GPR158: variants seen among roughly 807,000 people sequenced by gnomAD.
GPR158 encodes G protein-coupled receptor 158, also known as metabotropic glycine receptor.
GPR158 carries 30 observed loss-of-function variants against 78.2 expected under a neutral mutation model. The observed-to-expected ratio is 0.38, with a 90% CI of 0.29 to 0.52. The LOEUF (loss-of-function observed/expected upper bound fraction) is 0.52, where lower values mean the gene tolerates loss of function less well. GPR158 is among the 20% of genes least tolerant of loss of function. The pLI, the probability that GPR158 is intolerant of heterozygous loss-of-function variation, is 0.83. For missense variants in GPR158, 1,463 were observed against 1,523.5 expected, an observed-to-expected ratio of 0.96 and a Z score of 0.66; for synonymous variants, 581 against 591.1, an observed-to-expected ratio of 0.98 and a Z score of 0.25.
chr10:25,277,048 C>G (rs112194296), intron 2 of GPR158, among the ~76,000 whole-genome samples: 99 of 151,474 alleles, frequency 6.5e-4, no homozygotes, highest in African/African-American at 2.2e-3. Flanking sequence ...CTCCTGGGCT[C>G]AAGGAATCCT....
In GPR158 at chr10:25,353,610, C is replaced by T. The variant is rs1416116872; in HGVS notation, c.1009-42301C>T. On this transcript the variant is annotated intron_variant, in intron 2 of 10. Coordinates refer to ENST00000376351, the MANE Select transcript of GPR158 (RefSeq NM_020752.3). ...GTGGGATTAGAGGAGGATCTTCTCC[C>T]CTGCTACTAAATCACAGAATTTTCC... Among the ~76,000 whole-genome samples the T allele has an allele frequency of 2.6e-5, 4 of 152,112 alleles. No individual in the cohort carries two copies. The South Asian group carries it at 6.2e-4, about 24-fold the overall frequency.
chr10:25,366,224 C>T (rs994445344), intron 2 of GPR158, among the ~76,000 whole-genome samples: 4 of 151,524 alleles, frequency 2.6e-5, no homozygotes, highest in African/African-American at 7.3e-5. Flanking sequence ...GGCATATCCA[C>T]CTATCTTTCA....
At chr10:25,582,592 G>A (rs1243045979) in intron 7 of GPR158, among the ~76,000 whole-genome samples, 6 of 152,106 alleles carry the variant, frequency 3.9e-5, no homozygotes, top group African/African-American at 1.4e-4. Context: ...AGAGAATAAA[G>A]TAATCAAGTC....
At chr10:25,470,600 A>G (rs1835486367) in intron 5 of GPR158, among the ~76,000 whole-genome samples, 1 of 152,184 alleles carries the variant, frequency 6.6e-6, no homozygotes, top group Non-Finnish European at 1.5e-5. Context: ...AAGTTTTCTA[A>G]TTTTCTAGCA....
chr10:25,423,534 C>T (rs1834782329), intron 4 of GPR158, among the ~76,000 whole-genome samples: 1 of 152,120 alleles, frequency 6.6e-6, no homozygotes, highest in East Asian at 1.9e-4. Context: ...TATCCGTCCC[C>T]CATGCCCCAA....
At chr10:25,203,761 A>T (rs1427486035) in intron 1 of GPR158, among the ~76,000 whole-genome samples, 1 of 144,650 alleles carries the variant, frequency 6.9e-6, no homozygotes, top group Non-Finnish European at 1.5e-5. Flanking sequence ...GTTCCATATG[A>T]ACTTTAAAGT....
intron 2 of GPR158, among the ~76,000 whole-genome samples, chr10:25,293,372 T>C (rs1328404918): frequency 1.3e-5 from 2 of 152,206 alleles, no homozygotes; most frequent in Non-Finnish European, 2.9e-5. Context: ...CTGCCTAGGC[T>C]AAGCATGTTT....
chr10:25,595,019 T>C lies in GPR158; in HGVS notation c.1998+622T>C, dbSNP rs576207690. Among the ~76,000 whole-genome samples, 3 of 148,266 alleles carry C rather than the reference T, an allele frequency of 2.0e-5. No individual in the cohort carries two copies. In the East Asian group the frequency reaches 5.8e-4, roughly 29 times the overall value. On this transcript the variant is annotated intron_variant, in intron 9 of 10. Coordinates refer to ENST00000376351, the MANE Select transcript of GPR158 (RefSeq NM_020752.3). ...CTTCCTGAAATAAAATAAAATGATA[T>C]TGGAGTTTTTTTTCTCTGGGGGGAA...
At chr10:25,366,818 T>C (rs982386422) in intron 2 of GPR158, among the ~76,000 whole-genome samples, 2 of 143,638 alleles carry the variant, frequency 1.4e-5, no homozygotes, top group Non-Finnish European at 3.1e-5. Context: ...TAAATTTTTT[T>C]TGATGATTAT....
intron 4 of GPR158, among the ~76,000 whole-genome samples, chr10:25,451,643 A>G (rs1835217944): frequency 6.6e-6 from 1 of 152,182 alleles, no homozygotes; most frequent in Non-Finnish European, 1.5e-5. Context: ...GTGTAATGTC[A>G]GTTCCATCCG....
intron 5 of GPR158, among the ~76,000 whole-genome samples, chr10:25,482,173 A>G (rs993377652): frequency 6.6e-6 from 1 of 151,986 alleles, no homozygotes; most frequent in African/African-American, 2.4e-5. Context: ...TTGGCCTTCC[A>G]TGCCCTAAAA....
intron 1 of GPR158, among the ~76,000 whole-genome samples, chr10:25,202,678 A>T (rs559338423): frequency 6.6e-6 from 1 of 152,294 alleles, no homozygotes; most frequent in East Asian, 1.9e-4. Context: ...GATTGGTTCC[A>T]AGTCTTTGCT....
chr10:25,517,380 T>C (rs1198057126), intron 5 of GPR158, among the ~76,000 whole-genome samples: 8 of 152,168 alleles, frequency 5.3e-5, no homozygotes, highest in African/African-American at 7.2e-5. Flanking sequence ...TTCTGCCTGA[T>C]TGCCCTGGCC....
chr10:25,289,335 T>A (rs1217750509), intron 2 of GPR158, among the ~76,000 whole-genome samples: 2 of 152,206 alleles, frequency 1.3e-5, no homozygotes, highest in Admixed American at 6.5e-5. Flanking sequence ...GAGGCAGACC[T>A]GACAGACTCA....
rs117089987 is a variant in GPR158 at position 25,458,642 on chromosome 10, C to T, written c.1336-8009C>T. ...TATTGCCAATCTCTGCAACAATATA[C>T]ACCTGGGCATTATGACTCCCATCTT... On this transcript the variant is annotated intron_variant, in intron 4 of 10. Transcript: ENST00000376351. Among the ~76,000 whole-genome samples the T allele has an allele frequency of 5.8e-3, 886 of 152,030 alleles. 6 individuals are homozygous for T. Among genetic ancestry groups the T allele is most frequent in the Middle Eastern group, 0.01 (3 of 292 alleles).
At chr10:25,222,599 T>C (rs965193112) in intron 2 of GPR158, among the ~76,000 whole-genome samples, 3 of 152,224 alleles carry the variant, frequency 2.0e-5, no homozygotes, top group Non-Finnish European at 4.4e-5. Flanking sequence ...CTTCGGATGA[T>C]TCTGGCATTT....
intron 2 of GPR158, among the ~76,000 whole-genome samples, chr10:25,249,359 G>A (rs1344275923): frequency 2.6e-5 from 4 of 152,184 alleles, no homozygotes; most frequent in Non-Finnish European, 4.4e-5. Flanking sequence ...TTGAATAGGA[G>A]TGGTGAGGGA....
chr10:25,370,530 A>T (rs1833972283), intron 2 of GPR158, among the ~76,000 whole-genome samples: 1 of 136,918 alleles, frequency 7.3e-6, no homozygotes, highest in Non-Finnish European at 1.6e-5. Context: ...GTGGTCTGAG[A>T]GACAGTTTGT....
At chr10:25,368,128 C>T (rs1053496856) in intron 2 of GPR158, among the ~76,000 whole-genome samples, 1 of 151,894 alleles carries the variant, frequency 6.6e-6, no homozygotes, top group African/African-American at 2.4e-5. Flanking sequence ...AGAATGGCAG[C>T]TCTCTGGATG....
Sources: allele counts gnomAD v4.1 joint callset (sites outside exome capture counted in the v4.1 genomes callset), GRCh38; gene constraint gnomAD v4.1.1; transcripts MANE v1.5; gene names NCBI Gene and HGNC (gene_info 2026-07-23, HGNC 2026-07-21).